PDCD10: variants seen among roughly 807,000 people sequenced by gnomAD.
PDCD10 encodes the protein programmed cell death protein 10.
PDCD10 carries 4 observed loss-of-function variants against 29.2 expected under a neutral mutation model. That is an observed-to-expected ratio of 0.14 (90% CI 0.07 to 0.31). The LOEUF (loss-of-function observed/expected upper bound fraction) is 0.31, where lower values mean the gene tolerates loss of function less well. Among genes scored for constraint, PDCD10 ranks in the 10% least tolerant of loss-of-function variants. PDCD10 has a pLI of 1.00. For synonymous variants in PDCD10, 70 were observed against 82.2 expected (o/e 0.85, Z 0.80); for missense variants, 183 against 257.9 (o/e 0.71, Z 1.99).
chr3:167,684,408 A>G lies in PDCD10; in HGVS notation c.558-19T>C. On this transcript the variant is annotated intron_variant, in intron 8 of 8. Transcript: ENST00000392750. The stretch of plus-strand genomic sequence containing the variant: ...TATTGCCCTGTTTAAAAAGAAAAGA[A>G]TAAGCATTAATTTCATCCAAAAAAT... 6.9e-7 allele frequency: 1 copy of G among 1,459,570 alleles called. No homozygotes were observed. Among genetic ancestry groups the G allele is most frequent in the South Asian group, 1.1e-5 (1 of 87,882 alleles). 90.4% of individuals were successfully genotyped at this position (1,459,570 alleles called of 1,614,324 possible).
At chr3:167,684,675 G>A (rs923593162) in intron 8 of PDCD10, among the ~76,000 whole-genome samples, 9 of 152,032 alleles carry the variant, frequency 5.9e-5, no homozygotes, top group African/African-American at 2.2e-4. Context: ...AAGTTAACTG[G>A]CCAAAAGGAG....
intron 2 of PDCD10, among the ~76,000 whole-genome samples, chr3:167,733,766 T>C (rs1725065080): frequency 6.6e-6 from 1 of 152,126 alleles, no homozygotes; most frequent in Non-Finnish European, 1.5e-5. Context: ...GAAAAGAATA[T>C]TCTTCTAAGG....
At chr3:167,705,356 A>AT (rs892650565) in intron 3 of PDCD10, among the ~76,000 whole-genome samples, 1 of 152,074 alleles carries the variant, frequency 6.6e-6, no homozygotes, top group African/African-American at 2.4e-5. Context: ...AATTGTATAT[A>AT]TTTTTTACTT....
intron 4 of PDCD10, among the ~76,000 whole-genome samples, chr3:167,700,386 G>C (rs559909873): frequency 6.6e-6 from 1 of 152,042 alleles, no homozygotes; most frequent in East Asian, 1.9e-4. Flanking sequence ...TGCCACTAGT[G>C]ATGTTGGAAG....
At chr3:167,685,186 C>T (rs1162279080) in intron 8 of PDCD10, among the ~76,000 whole-genome samples, 1 of 151,844 alleles carries the variant, frequency 6.6e-6, no homozygotes, top group Admixed American at 6.6e-5. Context: ...CCAAGGTGGG[C>T]GGATCATGAG....
intron 4 of PDCD10, among the ~76,000 whole-genome samples, chr3:167,702,009 T>C (rs1263548845): frequency 6.6e-6 from 1 of 152,136 alleles, no homozygotes; most frequent in Non-Finnish European, 1.5e-5. Context: ...AAATGGACAT[T>C]AGACAACCCA....
Position 167,700,168 on chromosome 3 carries a change from C to T in PDCD10, c.151-3042G>A, listed in dbSNP as rs58376555. On this transcript the variant is annotated intron_variant, in intron 4 of 8. Transcript: ENST00000392750. ...GTATATGTAATAAGTTTGAAGCCAC[C>T]TCCTGTTGCTATTGCAGTCAGTTCA... Among the ~76,000 whole-genome samples, 1,207 of 152,144 alleles carry T rather than the reference C, an allele frequency of 7.9e-3. 89 individuals are homozygous for T. The East Asian group carries it at 0.17, about 22-fold the overall frequency.
intron 2 of PDCD10, among the ~76,000 whole-genome samples, chr3:167,729,795 C>T (rs1411004538): frequency 1.3e-5 from 2 of 152,166 alleles, no homozygotes; most frequent in African/African-American, 4.8e-5. Context: ...AGACTAACCT[C>T]TGGTAAACTT....
intron 6 of PDCD10, among the ~76,000 whole-genome samples, chr3:167,688,641 TCA>T (rs1263515956): frequency 1.3e-5 from 2 of 152,148 alleles, no homozygotes; most frequent in Non-Finnish European, 2.9e-5. Flanking sequence ...TCAAATAGTC[TCA>T]CATTCTCTGC....
chr3:167,708,778 T>C (rs1163847717), intron 3 of PDCD10, among the ~76,000 whole-genome samples: 1 of 152,208 alleles, frequency 6.6e-6, no homozygotes, highest in African/African-American at 2.4e-5. Flanking sequence ...GAACCACCTA[T>C]TATAAAAATA....
chr3:167,731,873 G>A lies in PDCD10; in HGVS notation c.-117+2341C>T, dbSNP rs561917100. ...TGACGAACGATATTTAAATTGAGAC[G>A]TGAAAACTGACTACCAGGTGGCCAC... On this transcript the variant is annotated intron_variant, in intron 2 of 8. Coordinates refer to ENST00000392750, the MANE Select transcript of PDCD10 (RefSeq NM_007217.4). 5.3e-5 allele frequency among the ~76,000 whole-genome samples: 8 copies of A among 152,242 alleles called. No individual in the cohort carries two copies. The South Asian group carries it at 1.7e-3, about 32-fold the overall frequency.
chr3:167,692,836 TG>T (rs1404435185), intron 6 of PDCD10, among the ~76,000 whole-genome samples: 1 of 152,212 alleles, frequency 6.6e-6, no homozygotes, highest in African/African-American at 2.4e-5. Flanking sequence ...GAGAGTGGCA[TG>T]AACCCGGGAG....
chr3:167,718,082 G>A (rs1426902755), intron 3 of PDCD10, among the ~76,000 whole-genome samples: 1 of 152,006 alleles, frequency 6.6e-6, no homozygotes, highest in Non-Finnish European at 1.5e-5. Context: ...GTCTCTGGGT[G>A]GAATTGTGAT....
chr3:167,690,916 C>T (rs771195321), intron 6 of PDCD10, among the ~76,000 whole-genome samples: 1 of 152,178 alleles, frequency 6.6e-6, no homozygotes, highest in African/African-American at 2.4e-5. Flanking sequence ...TCTAGGTCTG[C>T]TAATATATTC....
intron 3 of PDCD10, among the ~76,000 whole-genome samples, chr3:167,719,025 C>T (rs1300593353): frequency 6.6e-6 from 1 of 152,004 alleles, no homozygotes; most frequent in Non-Finnish European, 1.5e-5. Flanking sequence ...GCTTTCATGG[C>T]AACGAGTGTA....
At chr3:167,701,143 T>C (rs1236217517) in intron 4 of PDCD10, among the ~76,000 whole-genome samples, 1 of 152,094 alleles carries the variant, frequency 6.6e-6, no homozygotes, top group Non-Finnish European at 1.5e-5. Context: ...AGAGAACCCT[T>C]GTTCTAGCCT....
At chr3:167,717,047 AT>A (rs1490813866) in intron 3 of PDCD10, among the ~76,000 whole-genome samples, 1 of 152,026 alleles carries the variant, frequency 6.6e-6, no homozygotes, top group African/African-American at 2.4e-5. Flanking sequence ...CCATAATGCA[AT>A]CAGGGGACCT....
chr3:167,718,945 A>C (rs1723292881), intron 3 of PDCD10, among the ~76,000 whole-genome samples: 1 of 152,066 alleles, frequency 6.6e-6, no homozygotes. Context: ...ATGGTTGTCA[A>C]ACCTAACATT....
rs574135853 is a variant in PDCD10 at position 167,716,280 on chromosome 3, G to A, written c.96+3782C>T. On this transcript the variant is annotated intron_variant, in intron 3 of 8. Transcript: ENST00000392750. ...CCAAAGGCTGAGGAGGATAGTGGGG[G>A]TGGAGAAGAAGTGAGGATGGTTAAT... Among the ~76,000 whole-genome samples, 31 of 152,044 alleles carry A rather than the reference G, an allele frequency of 2.0e-4. 1 individual carries two copies. The highest frequency in any genetic ancestry group is 7.2e-4 in the African/African-American group (30 of 41,534).
Sources: allele counts gnomAD v4.1 joint callset (sites outside exome capture counted in the v4.1 genomes callset), GRCh38; gene constraint gnomAD v4.1.1; transcripts MANE v1.5; gene names NCBI Gene and HGNC (gene_info 2026-07-23, HGNC 2026-07-21).